HLCS: variants seen among roughly 807,000 people sequenced by gnomAD.
HLCS encodes biotin--protein ligase.
HLCS carries 53 observed loss-of-function variants against 75.0 expected under a neutral mutation model. The observed-to-expected ratio is 0.71, with a 90% CI of 0.57 to 0.89. The LOEUF is 0.89. HLCS is among the 40% of genes least tolerant of loss of function. The probability of loss-of-function intolerance (pLI) is 0.00; values close to 1 mark genes in which losing one functional copy is unlikely to be tolerated. For missense variants in HLCS, 966 were observed against 1,074.0 expected (o/e 0.90, Z 1.41); for synonymous variants, 431 against 428.6 (o/e 1.01, Z -0.07).
At chr21:36,818,524 T>C (rs1342453202) in intron 6 of HLCS, among the ~76,000 whole-genome samples, 3 of 152,166 alleles carry the variant, frequency 2.0e-5, no homozygotes, top group Non-Finnish European at 2.9e-5. Context: ...CATTAGGTTG[T>C]CCAAGTAATC....
intron 6 of HLCS, among the ~76,000 whole-genome samples, chr21:36,846,075 T>C (rs2146116254): frequency 1.3e-5 from 2 of 152,340 alleles, no homozygotes; most frequent in Admixed American, 1.3e-4. Flanking sequence ...CAATAAATGT[T>C]GAGTTCCTAA....
At chr21:36,951,653 A>C (rs1450766761) in intron 2 of HLCS, among the ~76,000 whole-genome samples, 3 of 152,216 alleles carry the variant, frequency 2.0e-5, no homozygotes, top group African/African-American at 7.2e-5. Flanking sequence ...CCTACCTAGC[A>C]CACAATCTGG....
chr21:36,764,956 T>C (rs2089980216), intron 8 of HLCS, 56 bp downstream of exon 8: 1 of 1,579,070 alleles, frequency 6.3e-7, no homozygotes, highest in South Asian at 1.1e-5. Flanking sequence ...TAAACAAGAA[T>C]AAGCCAGATT....
intron 6 of HLCS, among the ~76,000 whole-genome samples, chr21:36,886,394 C>G (rs1012100115): frequency 6.8e-6 from 1 of 146,148 alleles, no homozygotes; most frequent in Admixed American, 7.0e-5. Flanking sequence ...TATCGCACCA[C>G]CGCACTCCAG....
At chr21:36,870,705 T>C (rs1019409825) in intron 6 of HLCS, among the ~76,000 whole-genome samples, 1 of 152,138 alleles carries the variant, frequency 6.6e-6, no homozygotes, top group Non-Finnish European at 1.5e-5. Flanking sequence ...AGGAAAAATA[T>C]CTTAAGGACT....
intron 5 of HLCS, among the ~76,000 whole-genome samples, chr21:36,909,245 CT>C (rs1353927850): frequency 6.6e-6 from 1 of 152,172 alleles, no homozygotes; most frequent in African/African-American, 2.4e-5. Context: ...TGGAAATGTT[CT>C]GTGTCTTGAT....
intron 5 of HLCS, among the ~76,000 whole-genome samples, chr21:36,928,179 T>C (rs2066486841): frequency 6.6e-6 from 1 of 152,214 alleles, no homozygotes; most frequent in Non-Finnish European, 1.5e-5. Context: ...ATTTGCACTA[T>C]AATCCTTTAG....
intron 6 of HLCS, among the ~76,000 whole-genome samples, chr21:36,873,892 C>A (rs975006137): frequency 6.6e-6 from 1 of 152,238 alleles, no homozygotes; most frequent in Non-Finnish European, 1.5e-5. Context: ...TGAACCACTG[C>A]ACCTGGCTAG....
At chr21:36,928,199 A>G (rs984204529) in intron 5 of HLCS, among the ~76,000 whole-genome samples, 9 of 152,206 alleles carry the variant, frequency 5.9e-5, no homozygotes, top group African/African-American at 2.2e-4. Flanking sequence ...GAGAACTTGT[A>G]TTCCAAGAAA....
chr21:36,899,005 G>A (rs748558219), intron 5 of HLCS, among the ~76,000 whole-genome samples: 1 of 152,114 alleles, frequency 6.6e-6, no homozygotes, highest in African/African-American at 2.4e-5. Flanking sequence ...AGGCTGCAGT[G>A]AGCCAAGATG....
intron 6 of HLCS, among the ~76,000 whole-genome samples, chr21:36,816,312 C>A (rs1354199742): frequency 6.6e-6 from 1 of 151,848 alleles, no homozygotes; most frequent in Non-Finnish European, 1.5e-5. Context: ...GGGAGGATCA[C>A]TTGAGCCTGG....
Position 36,750,136 on chromosome 21 carries a change from T to C in HLCS, c.*4110A>G, listed in dbSNP as rs953919860. Among the ~76,000 whole-genome samples, 1 of 152,202 alleles carries C rather than the reference T, an allele frequency of 6.6e-6. No individual in the cohort carries two copies. The highest frequency in any genetic ancestry group is 2.4e-5 in the African/African-American group (1 of 41,446). On this transcript the variant is annotated 3_prime_UTR_variant, in exon 11 of 11. Coordinates refer to ENST00000674895, the MANE Select transcript of HLCS (RefSeq NM_001352514.2). The stretch of plus-strand genomic sequence containing the variant: ...CCTCCATCTTGAAGAGTCTGCACAT[T>C]TAAGCTGGGGATAGCGTTTCTTGAC...
intron 6 of HLCS, chr21:36,852,040 A>G (rs1290536873): frequency 6.6e-6 from 1 of 152,218 alleles, no homozygotes; most frequent in Non-Finnish European, 1.5e-5. Context: ...AAATTTAAGT[A>G]AGTCTAAGTA....
chr21:36,983,924 C>T (rs903493662), intron 1 of HLCS, among the ~76,000 whole-genome samples: 1 of 151,974 alleles, frequency 6.6e-6, no homozygotes, highest in Non-Finnish European at 1.5e-5. Context: ...TAGCCTCAAA[C>T]TCCTGTGCTT....
At chr21:36,959,095 G>C (rs891722238) in intron 2 of HLCS, among the ~76,000 whole-genome samples, 5 of 152,152 alleles carry the variant, frequency 3.3e-5, no homozygotes, top group Non-Finnish European at 5.9e-5. Context: ...CAGCCTCCCA[G>C]CCACAGCTGC....
chr21:36,935,555 G>A (rs1238623978), intron 4 of HLCS, among the ~76,000 whole-genome samples: 1 of 152,016 alleles, frequency 6.6e-6, no homozygotes, highest in East Asian at 1.9e-4. Context: ...AAACAAAATC[G>A]ATTACACTTA....
chr21:36,784,542 C>T (rs1366501296), intron 6 of HLCS, among the ~76,000 whole-genome samples: 1 of 152,000 alleles, frequency 6.6e-6, no homozygotes, highest in Admixed American at 6.5e-5. Flanking sequence ...TCTTGAACTC[C>T]TGACCTCAGG....
chr21:36,890,271 G>A (rs573678852), intron 6 of HLCS, among the ~76,000 whole-genome samples: 1 of 152,324 alleles, frequency 6.6e-6, no homozygotes, highest in East Asian at 1.9e-4. Flanking sequence ...ATGGCATCCA[G>A]AAGGTGTTAC....
chr21:36,954,331 T>C (rs777898815), intron 2 of HLCS, among the ~76,000 whole-genome samples: 20 of 147,526 alleles, frequency 1.4e-4, no homozygotes, highest in South Asian at 2.2e-4. Flanking sequence ...ATAAAAAGTA[T>C]AGGCCAGGTG....
Sources: allele counts gnomAD v4.1 joint callset (sites outside exome capture counted in the v4.1 genomes callset), GRCh38; gene constraint gnomAD v4.1.1; transcripts MANE v1.5; gene names NCBI Gene and HGNC (gene_info 2026-07-23, HGNC 2026-07-21).